NBEA: variants seen among roughly 807,000 people sequenced by gnomAD.
NBEA encodes the protein neurobeachin.
NBEA carries 44 observed loss-of-function variants against 343.4 expected under a neutral mutation model. That is an observed-to-expected ratio of 0.13 (90% confidence interval 0.10 to 0.16). NBEA has a LOEUF of 0.16. Among genes scored for constraint, NBEA ranks in the 10% least tolerant of loss-of-function variants. NBEA has a pLI of 1.00. For synonymous variants in NBEA, 1,175 were observed against 1,238.7 expected (o/e 0.95, Z 1.08); for missense variants, 2,555 against 3,631.3 (o/e 0.70, Z 7.62).
At chr13:35,403,195 T>A (rs2043078018) in intron 38 of NBEA, among the ~76,000 whole-genome samples, 3 of 150,572 alleles carry the variant, frequency 2.0e-5, no homozygotes, top group Admixed American at 6.6e-5. Context: ...TTAATTAAAA[T>A]AAATTACTTA....
intron 49 of NBEA, among the ~76,000 whole-genome samples, chr13:35,628,939 A>G (rs2083340249): frequency 6.6e-6 from 1 of 152,168 alleles, no homozygotes; most frequent in African/African-American, 2.4e-5. Context: ...AAATATAAAT[A>G]AAAGGAATAT....
chr13:35,478,198 A>G (rs1014818045), intron 41 of NBEA, among the ~76,000 whole-genome samples: 1 of 152,196 alleles, frequency 6.6e-6, no homozygotes, highest in Non-Finnish European at 1.5e-5. Context: ...AAAACCACCT[A>G]TTATTTAATT....
At chr13:35,322,508 A>G (rs1473685270) in intron 36 of NBEA, among the ~76,000 whole-genome samples, 1 of 152,146 alleles carries the variant, frequency 6.6e-6, no homozygotes, top group Non-Finnish European at 1.5e-5. Flanking sequence ...AAATGCAGAA[A>G]TCAACCGCCT....
At chr13:34,983,383 A>G (rs577939837) in intron 1 of NBEA, among the ~76,000 whole-genome samples, 132 of 152,262 alleles carry the variant, frequency 8.7e-4, no homozygotes, top group African/African-American at 3.0e-3. Flanking sequence ...ATAGTATCCC[A>G]TGGTGTATAT....
chr13:35,186,728 A>G (rs1308476886), intron 30 of NBEA: 2 of 152,174 alleles, frequency 1.3e-5, no homozygotes, highest in Admixed American at 6.6e-5. Context: ...AAATATTCAT[A>G]TAGGCATTTG....
rs569991952 is a variant in NBEA at position 35,165,186 on chromosome 13, T to C, written c.4233+677T>C. The C allele has an allele frequency of 1.2e-5, 6 of 516,964 alleles. No individual in the cohort carries two copies. In the East Asian group the frequency reaches 3.3e-4, roughly 29 times the overall value. 32.0% of individuals were successfully genotyped at this position (516,964 alleles called of 1,614,324 possible). ...TTCATTTTACTAAGATGTGCTTTAG[T>C]TGGTGAGACACTGTTTCCAAGTTGA... On this transcript the variant is annotated intron_variant, in intron 24 of 58. Coordinates refer to ENST00000379939, the MANE Select transcript of NBEA (RefSeq NM_001385012.1).
At chr13:35,432,201 A>T in intron 38 of NBEA, 68 bp from the exon 39 acceptor site, 6 of 1,341,578 alleles carry the variant, frequency 4.5e-6, no homozygotes, top group South Asian at 1.7e-5. Flanking sequence ...CTTCAATTTT[A>T]TAGAAAAATG....
intron 39 of NBEA, among the ~76,000 whole-genome samples, chr13:35,451,564 T>G (rs1566152650): frequency 6.6e-6 from 1 of 152,352 alleles, no homozygotes; most frequent in East Asian, 1.9e-4. Context: ...TCTGTAACTT[T>G]CCAATGATCA....
rs200136838 is a variant in NBEA at position 35,667,495 on chromosome 13, T to C, written c.8586T>C (p.Tyr2862=). 532 of 1,614,036 alleles carry C rather than the reference T, an allele frequency of 3.3e-4. No individual in the cohort carries two copies. The African/African-American group carries it at 6.4e-3, about 20-fold the overall frequency. Residue 2862 remains tyrosine, a synonymous_variant, in exon 57 of 59, where the codon TAT becomes TAC. Transcript: ENST00000379939. Reference sequence around the variant, plus strand: ...GCGAAGGCCACTGTATCATATACTATGAACGAGGGCGATTCAGTAATTTCA... The same window carrying C: ...GCGAAGGCCACTGTATCATATACTACGAACGAGGGCGATTCAGTAATTTCA... ...VSSEGHCIIY[Y]ERGRFSNFSI...
intron 34 of NBEA, among the ~76,000 whole-genome samples, chr13:35,254,289 A>C (rs995200369): frequency 1.3e-5 from 2 of 150,794 alleles, no homozygotes; most frequent in African/African-American, 4.9e-5. Flanking sequence ...AAAACTTAAA[A>C]CTTTTAACTA....
At chr13:35,259,120 A>G (rs1393930019) in intron 34 of NBEA, among the ~76,000 whole-genome samples, 1 of 152,170 alleles carries the variant, frequency 6.6e-6, no homozygotes, top group African/African-American at 2.4e-5. Context: ...CTTTTCCTTA[A>G]TAAATGGTTA....
chr13:34,997,316 A>C (rs2060973626), intron 1 of NBEA, among the ~76,000 whole-genome samples: 1 of 152,182 alleles, frequency 6.6e-6, no homozygotes. Context: ...ATAAAAGCCT[A>C]GCTGGGCTCT....
intron 41 of NBEA, among the ~76,000 whole-genome samples, chr13:35,511,861 G>A (rs1347494601): frequency 6.6e-6 from 1 of 152,122 alleles, no homozygotes; most frequent in Non-Finnish European, 1.5e-5. Flanking sequence ...TTACCTGAGA[G>A]TACTGTTTGC....
chr13:35,128,341 T>A (rs1222871166), intron 17 of NBEA, among the ~76,000 whole-genome samples: 1 of 151,824 alleles, frequency 6.6e-6, no homozygotes, highest in Non-Finnish European at 1.5e-5. Flanking sequence ...TTCTTTATAA[T>A]GATAAAATAG....
intron 38 of NBEA, among the ~76,000 whole-genome samples, chr13:35,431,859 C>G (rs2045135832): frequency 6.6e-6 from 1 of 152,052 alleles, no homozygotes; most frequent in Non-Finnish European, 1.5e-5. Flanking sequence ...AAATTGTAAA[C>G]TATTTGTAGT....
At chr13:35,326,660 C>A (rs2038581854) in intron 36 of NBEA, among the ~76,000 whole-genome samples, 1 of 151,998 alleles carries the variant, frequency 6.6e-6, no homozygotes, top group Admixed American at 6.6e-5. Context: ...CTGGCTACAA[C>A]TTCCAGTACT....
chr13:35,291,761 G>C (rs569169686), intron 35 of NBEA, among the ~76,000 whole-genome samples: 10 of 151,906 alleles, frequency 6.6e-5, no homozygotes, highest in Non-Finnish European at 1.5e-4. Flanking sequence ...CTAATCATAG[G>C]TTTAACATTA....
intron 34 of NBEA, among the ~76,000 whole-genome samples, chr13:35,252,766 A>G (rs1375663918): frequency 6.6e-6 from 1 of 152,150 alleles, no homozygotes; most frequent in East Asian, 1.9e-4. Context: ...GGTTCTCTCT[A>G]ACAGTGTGAC....
At chr13:35,385,931 T>C (rs1337058730) in intron 38 of NBEA, among the ~76,000 whole-genome samples, 1 of 152,118 alleles carries the variant, frequency 6.6e-6, no homozygotes, top group Non-Finnish European at 1.5e-5. Context: ...TCCCATCCAT[T>C]TTCTTGTAAT....
Sources: gnomAD v4.1 joint callset for allele counts (sites outside exome capture counted in the v4.1 genomes callset) on GRCh38, gnomAD v4.1.1 for gene constraint, MANE v1.5 for transcripts, NCBI Gene and HGNC (gene_info 2026-07-23, HGNC 2026-07-21) for gene names.